Variants in DAB2IP observed in about 807,000 individuals in gnomAD.
DAB2IP encodes DAB2 interacting protein.
DAB2IP carries 28 observed loss-of-function variants against 107.2 expected under a neutral mutation model. The ratio of observed to expected loss-of-function variants is 0.26; its 90% CI spans 0.19 to 0.36. The LOEUF is 0.36. DAB2IP is among the 10% of genes least tolerant of loss of function. The pLI, the probability that DAB2IP is intolerant of heterozygous loss-of-function variation, is 1.00. For synonymous variants in DAB2IP, 755 were observed against 706.4 expected, an observed-to-expected ratio of 1.07 and a Z score of -1.09; for missense variants, 1,400 against 1,644.7, an observed-to-expected ratio of 0.85 and a Z score of 2.57.
chr9:121,672,970 C>T (rs1032370157), intron 1 of DAB2IP, among the ~76,000 whole-genome samples: 1 of 152,204 alleles, frequency 6.6e-6, no homozygotes, highest in African/African-American at 2.4e-5. Context: ...CATGCTGGGG[C>T]CTAGGACCCC....
chr9:121,679,258 C>T (rs998579825), intron 2 of DAB2IP, among the ~76,000 whole-genome samples: 4 of 151,946 alleles, frequency 2.6e-5, no homozygotes, highest in Admixed American at 6.6e-5. Context: ...GGCTTAGAAC[C>T]GACAAAACAC....
At chr9:121,729,457 C>T (rs1389357706) in intron 3 of DAB2IP, among the ~76,000 whole-genome samples, 1 of 152,220 alleles carries the variant, frequency 6.6e-6, no homozygotes, top group African/African-American at 2.4e-5. Flanking sequence ...AGCATACCCA[C>T]CTGCCTTCCT....
chr9:121,654,946 A>G (rs1832911755), intron 1 of DAB2IP, among the ~76,000 whole-genome samples: 1 of 152,206 alleles, frequency 6.6e-6, no homozygotes, highest in African/African-American at 2.4e-5. Context: ...CAGGTTCTGC[A>G]GGTGGCCAGG....
intron 1 of DAB2IP, among the ~76,000 whole-genome samples, chr9:121,580,417 G>A (rs1401918991): frequency 6.6e-6 from 1 of 152,152 alleles, no homozygotes; most frequent in Non-Finnish European, 1.5e-5. Flanking sequence ...AGTGGCTCGT[G>A]CCTGCTATTC....
chr9:121,712,271 A>G (rs1166323493), intron 3 of DAB2IP, among the ~76,000 whole-genome samples: 2 of 152,242 alleles, frequency 1.3e-5, no homozygotes, highest in Admixed American at 1.3e-4. Context: ...TTTCTAGCAC[A>G]CAGATGGTTT....
At chr9:121,674,841 AC>A (rs1833827152) in intron 1 of DAB2IP, among the ~76,000 whole-genome samples, 2 of 151,814 alleles carry the variant, frequency 1.3e-5, no homozygotes, top group Admixed American at 1.3e-4. Context: ...GTGAGGGCCC[AC>A]CTACCCAGGA....
At chr9:121,677,040 C>G (rs181084930) in intron 1 of DAB2IP, among the ~76,000 whole-genome samples, 5 of 152,332 alleles carry the variant, frequency 3.3e-5, no homozygotes, top group Middle Eastern at 6.8e-3. Flanking sequence ...AGATTATCAG[C>G]CTCTCTTGAA....
intron 1 of DAB2IP, among the ~76,000 whole-genome samples, chr9:121,582,571 G>C (rs2118909019): frequency 6.6e-6 from 1 of 151,914 alleles, no homozygotes; most frequent in African/African-American, 2.4e-5. Flanking sequence ...TCTGTTCCCA[G>C]CTCTGGAACA....
chr9:121,759,904 A>T (rs1833769177), exon 6 of DAB2IP: 1 of 1,613,630 alleles, frequency 6.2e-7, no homozygotes, highest in African/African-American at 1.3e-5. Flanking sequence ...CGGCGTGTGG[A>T]GCACATCCTG....
In DAB2IP at chr9:121,678,672, T is replaced by C. The variant is rs373635895; in HGVS notation, c.125-6T>C. On this transcript the variant is annotated splice_polypyrimidine_tract_variant and splice_region_variant and intron_variant, in intron 1 of 15. Transcript: ENST00000408936. The stretch of plus-strand genomic sequence containing the variant: ...GTTCAACCTCTCTCTCCTCCTCTGT[T>C]GGCAGAGTCGCCTCAAGAAAGGCCG... 2,235 of 1,544,472 alleles carry C rather than the reference T, an allele frequency of 1.4e-3. 5 individuals carry two copies. Among genetic ancestry groups the C allele is most frequent in the Non-Finnish European group, 1.9e-3 (2,117 of 1,139,880 alleles).
chr9:121,640,333 G>T (rs150403909), intron 1 of DAB2IP, among the ~76,000 whole-genome samples: 1 of 151,546 alleles, frequency 6.6e-6, no homozygotes, highest in Non-Finnish European at 1.5e-5. Flanking sequence ...GGGAAGACGG[G>T]CCTGTGTGTG....
At position 121,776,188 on chromosome 9, in the gene DAB2IP, C is replaced by G; in HGVS notation, c.3121-10C>G. The G allele has an allele frequency of 6.4e-7, 1 of 1,566,830 alleles. No homozygotes were observed. The highest frequency in any genetic ancestry group is 8.7e-7 in the Non-Finnish European group (1 of 1,155,846). ...GGGTGCTGTGCCCGTGGACGCTGCC[C>G]TCCTGGTAGGACCTGGCGGTGCTGC... On this transcript the variant is annotated splice_polypyrimidine_tract_variant and intron_variant, in intron 13 of 15. Coordinates refer to ENST00000408936, the Ensembl canonical transcript of DAB2IP. The surrounding 1 kb of genome is among the most constrained non-coding windows in gnomAD (Gnocchi z 5.4).
chr9:121,730,612 A>T (rs1831475398), intron 3 of DAB2IP, among the ~76,000 whole-genome samples: 1 of 152,232 alleles, frequency 6.6e-6, no homozygotes, highest in Admixed American at 6.5e-5. Context: ...TAGACATTTA[A>T]TGTCCAACAC....
intron 1 of DAB2IP, among the ~76,000 whole-genome samples, chr9:121,652,894 G>C (rs1292800180): frequency 1.3e-5 from 2 of 152,080 alleles, no homozygotes; most frequent in African/African-American, 4.8e-5. Flanking sequence ...GGTAGTGTTC[G>C]GTTGCTTCCA....
intron 1 of DAB2IP, among the ~76,000 whole-genome samples, chr9:121,588,610 GAGGGAAGGGA>G (rs372955084): frequency 1.8e-5 from 1 of 54,974 alleles, no homozygotes; most frequent in Non-Finnish European, 3.7e-5. Context: ...GAATGGGGAA[GAGGGAAGGGA>G]AGGGAAGGGA....
intron 1 of DAB2IP, among the ~76,000 whole-genome samples, chr9:121,625,241 C>CTTTTT (rs55645811): frequency 1.6e-5 from 2 of 127,816 alleles, no homozygotes; most frequent in Admixed American, 8.1e-5. Flanking sequence ...AGTGGCTGGG[C>CTTTTT]TTTTTTTTTT....
chr9:121,641,892 C>CCTCTCTTT (rs1832303820), intron 1 of DAB2IP, among the ~76,000 whole-genome samples: 3 of 89,334 alleles, frequency 3.4e-5, no homozygotes, highest in Admixed American at 1.2e-4. Context: ...CATTTCTTTC[C>CCTCTCTTT]CTTTCTTTCT....
chr9:121,744,811 A>T (rs893494137), intron 3 of DAB2IP, among the ~76,000 whole-genome samples: 1 of 152,152 alleles, frequency 6.6e-6, no homozygotes, highest in African/African-American at 2.4e-5. Context: ...CATAGGCGCA[A>T]ACCCTGGAGG....
chr9:121,668,330 C>A (rs887558828), intron 1 of DAB2IP, among the ~76,000 whole-genome samples: 2 of 151,644 alleles, frequency 1.3e-5, no homozygotes, highest in African/African-American at 4.8e-5. Flanking sequence ...CTCTGCCTCC[C>A]GGGTTCAAGT....
Sources: allele counts gnomAD v4.1 joint callset (sites outside exome capture counted in the v4.1 genomes callset), GRCh38; gene constraint gnomAD v4.1.1; non-coding constraint Gnocchi (gnomAD v3.1); transcripts MANE v1.5; gene names NCBI Gene and HGNC (gene_info 2026-07-23, HGNC 2026-07-21).